The following HPSE2 variants were observed in gnomAD, a reference collection of about 807,000 sequenced individuals.
HPSE2 encodes heparanase 2 (inactive).
Under a neutral mutation model 60.5 loss-of-function variants are expected in HPSE2, and 38 were observed. The observed-to-expected ratio is 0.63, with a 90% CI of 0.48 to 0.82. The LOEUF (loss-of-function observed/expected upper bound fraction) is 0.82. Among genes scored for constraint, HPSE2 ranks in the 40% least tolerant of loss-of-function variants. The probability of loss-of-function intolerance (pLI) is 0.00; values close to 1 mark genes in which losing one functional copy is unlikely to be tolerated. For missense variants in HPSE2, 713 were observed against 740.4 expected (o/e 0.96, Z 0.43); for synonymous variants, 295 against 293.2 (o/e 1.01, Z -0.06).
At chr10:98,864,014 G>A (rs1187758885) in intron 3 of HPSE2, among the ~76,000 whole-genome samples, 2 of 152,004 alleles carry the variant, frequency 1.3e-5, no homozygotes, top group Admixed American at 6.6e-5. Flanking sequence ...TATAGCTGAT[G>A]ATTTGTGTGT....
chr10:98,642,026 C>T (rs376701908), intron 6 of HPSE2, 86 bp from the exon 7 acceptor site: 148 of 1,171,388 alleles, frequency 1.3e-4, no homozygotes, highest in African/African-American at 4.7e-4. Flanking sequence ...CTCTGTTGCC[C>T]GAGGAAACAA....
intron 3 of HPSE2, among the ~76,000 whole-genome samples, chr10:98,801,409 A>C (rs1253211742): frequency 6.6e-6 from 1 of 152,200 alleles, no homozygotes; most frequent in Non-Finnish European, 1.5e-5. Context: ...GGAAAGAAAG[A>C]AGTCAAATTT....
chr10:99,199,411 T>A (rs1236020123), intron 2 of HPSE2, among the ~76,000 whole-genome samples: 3 of 152,032 alleles, frequency 2.0e-5, no homozygotes, highest in African/African-American at 7.2e-5. Context: ...TCCCTGATGA[T>A]TAGTGATACT....
At chr10:98,984,737 C>A (rs900248153) in intron 3 of HPSE2, among the ~76,000 whole-genome samples, 1 of 152,038 alleles carries the variant, frequency 6.6e-6, no homozygotes, top group Non-Finnish European at 1.5e-5. Flanking sequence ...GAAGTTAGAA[C>A]CTTGAAAAAA....
At chr10:99,101,068 C>A (rs373140611) in intron 3 of HPSE2, among the ~76,000 whole-genome samples, 20 of 152,234 alleles carry the variant, frequency 1.3e-4, no homozygotes, top group East Asian at 5.8e-4. Context: ...GGCTAGGAAG[C>A]AACTGCATCA....
chr10:98,732,409 C>T (rs922690005), intron 4 of HPSE2, among the ~76,000 whole-genome samples: 3 of 152,022 alleles, frequency 2.0e-5, no homozygotes, highest in Admixed American at 6.6e-5. Context: ...GTAATTAAGA[C>T]AATGTAGTCC....
intron 3 of HPSE2, among the ~76,000 whole-genome samples, chr10:98,811,252 C>A (rs1056599137): frequency 6.6e-6 from 1 of 152,056 alleles, no homozygotes; most frequent in East Asian, 1.9e-4. Flanking sequence ...ATCTCATTCA[C>A]GATATTCCCT....
chr10:98,606,152 G>A (rs571001378), intron 9 of HPSE2, among the ~76,000 whole-genome samples: 2 of 152,256 alleles, frequency 1.3e-5, no homozygotes, highest in East Asian at 1.9e-4. Flanking sequence ...GAATCTACAA[G>A]TGTCTGGCAC....
At chr10:98,657,842 G>T (rs1947115860) in intron 6 of HPSE2, among the ~76,000 whole-genome samples, 1 of 151,994 alleles carries the variant, frequency 6.6e-6, no homozygotes, top group African/African-American at 2.4e-5. Context: ...GTTTTCCTGG[G>T]GCTGGAATTG....
intron 3 of HPSE2, among the ~76,000 whole-genome samples, chr10:99,049,925 G>C (rs900234454): frequency 7.2e-5 from 11 of 152,044 alleles, no homozygotes; most frequent in African/African-American, 2.7e-4. Context: ...ATTAAAAATG[G>C]GCAGAGGAAC....
chr10:98,483,453 G>T (rs112791023), intron 10 of HPSE2, among the ~76,000 whole-genome samples: 1 of 152,200 alleles, frequency 6.6e-6, no homozygotes, highest in African/African-American at 2.4e-5. Context: ...ATTATGTCAT[G>T]TGTATAAACT....
At chr10:99,307,723 G>A in the HPSE2 span, among the ~76,000 whole-genome samples, 1 of 152,056 alleles carries the variant, frequency 6.6e-6, no homozygotes, top group South Asian at 2.1e-4. Context: ...CCATTACCAT[G>A]GGGTATGCCC....
intron 3 of HPSE2, among the ~76,000 whole-genome samples, chr10:98,782,978 T>C (rs1160625149): frequency 5.0e-5 from 6 of 119,006 alleles, no homozygotes; most frequent in Non-Finnish European, 1.0e-4. Flanking sequence ...TTAGGGAACA[T>C]GTGCACATTG....
chr10:98,871,848 CTG>C lies in HPSE2; in HGVS notation c.611-127794_611-127793del, dbSNP rs1589983177. Among the ~76,000 whole-genome samples the C allele has an allele frequency of 2.0e-5, 3 of 152,182 alleles. No homozygotes were observed. In the East Asian group the frequency reaches 5.8e-4, roughly 29 times the overall value. ...TGGGACTTATTAATCAAACTGGAGA[CTG>C]TATCTACTGTGAAAACAGCCTCAGC... On this transcript the variant is annotated intron_variant, in intron 3 of 11. Transcript: ENST00000370552.
At chr10:98,916,145 G>A (rs893404544) in intron 3 of HPSE2, among the ~76,000 whole-genome samples, 5 of 152,212 alleles carry the variant, frequency 3.3e-5, no homozygotes, top group African/African-American at 9.6e-5. Context: ...TGCTCTGGCT[G>A]TGATAACCAT....
At chr10:98,874,490 T>A (rs1293270869) in intron 3 of HPSE2, among the ~76,000 whole-genome samples, 1 of 152,102 alleles carries the variant, frequency 6.6e-6, no homozygotes, top group African/African-American at 2.4e-5. Flanking sequence ...AAGTTGCTTA[T>A]CAGCTTAAGG....
intron 9 of HPSE2, among the ~76,000 whole-genome samples, chr10:98,536,246 G>A (rs1046512800): frequency 2.6e-5 from 4 of 152,214 alleles, no homozygotes; most frequent in Non-Finnish European, 2.9e-5. Flanking sequence ...AAGGCTCAAT[G>A]AGAATCAGAA....
At chr10:98,982,826 T>G (rs980318612) in intron 3 of HPSE2, among the ~76,000 whole-genome samples, 6 of 152,206 alleles carry the variant, frequency 3.9e-5, no homozygotes, top group African/African-American at 1.4e-4. Flanking sequence ...CAAATTCTGA[T>G]AGTTAATTAT....
At chr10:98,776,323 T>C (rs898932762) in intron 3 of HPSE2, among the ~76,000 whole-genome samples, 13 of 151,232 alleles carry the variant, frequency 8.6e-5, no homozygotes, top group Non-Finnish European at 1.6e-4. Flanking sequence ...GGCGCATGCC[T>C]GTAATCCCAG....
Sources: allele counts gnomAD v4.1 joint callset (sites outside exome capture counted in the v4.1 genomes callset), GRCh38; gene constraint gnomAD v4.1.1; transcripts MANE v1.5; gene names NCBI Gene and HGNC (gene_info 2026-07-23, HGNC 2026-07-21).